The following XPO7 variants were observed in gnomAD, a reference collection of about 807,000 sequenced individuals.
XPO7 encodes exportin 7, also known as exportin-7.
In XPO7, 21 loss-of-function variants were observed where a neutral mutation model predicts 144.3. That is an observed-to-expected ratio of 0.15 (90% CI 0.10 to 0.21). The LOEUF is 0.21. Among genes scored for constraint, XPO7 ranks in the 10% least tolerant of loss-of-function variants. The probability of loss-of-function intolerance (pLI) is 1.00; values close to 1 mark genes in which losing one functional copy is unlikely to be tolerated. For missense variants in XPO7, 808 were observed against 1,325.8 expected, an observed-to-expected ratio of 0.61 and a Z score of 6.06; for synonymous variants, 580 against 499.6, an observed-to-expected ratio of 1.16 and a Z score of -2.15.
chr8:21,985,636 G>A lies in XPO7; in HGVS notation c.1522G>A (p.Val508Ile). The change falls in exon 13 of 28, where the codon GTT becomes ATT. Residue 508 changes from valine (V) to isoleucine (I), a missense_variant. Transcript: ENST00000252512. Reference protein sequence around the residue: ...YIIGAVIGGRVSFASTDEQDA... With the variant: ...YIIGAVIGGRISFASTDEQDA... ...TATTGGAGCAGTGATCGGTGGCCGG[G>A]TTTCTTTTGCCAGCACTGATGAGCA... The A allele has an allele frequency of 6.2e-7, 1 of 1,613,842 alleles. No homozygotes were observed. Among genetic ancestry groups the A allele is most frequent in the Non-Finnish European group, 8.5e-7 (1 of 1,179,890 alleles).
chr8:21,951,891 G>A (rs1811384950), intron 1 of XPO7, among the ~76,000 whole-genome samples: 1 of 152,158 alleles, frequency 6.6e-6, no homozygotes, highest in Non-Finnish European at 1.5e-5. Context: ...TCTACAGTGT[G>A]AATCCCTAGA....
chr8:21,974,227 G>A (rs1475810061), intron 5 of XPO7, among the ~76,000 whole-genome samples: 2 of 135,202 alleles, frequency 1.5e-5, no homozygotes, highest in Non-Finnish European at 3.4e-5. Flanking sequence ...GTTTTTAGAG[G>A]TGGTGGGGGG....
At chr8:21,954,085 G>T (rs1289548412) in intron 1 of XPO7, among the ~76,000 whole-genome samples, 1 of 152,168 alleles carries the variant, frequency 6.6e-6, no homozygotes, top group Non-Finnish European at 1.5e-5. Context: ...TATGTATTTG[G>T]CTAGCCTGAT....
At chr8:21,982,345 A>G (rs1423721450) in intron 10 of XPO7, among the ~76,000 whole-genome samples, 1 of 152,152 alleles carries the variant, frequency 6.6e-6, no homozygotes, top group Non-Finnish European at 1.5e-5. Context: ...TGGTGTTTCT[A>G]ACAAGTTCTT....
chr8:21,990,955 C>A, intron 18 of XPO7, 36 bp downstream of exon 18: 2 of 1,579,012 alleles, frequency 1.3e-6, no homozygotes, highest in Non-Finnish European at 1.7e-6. Flanking sequence ...ATGAAGTCAT[C>A]TGGCACTCTT....
At chr8:21,935,944 C>T (rs1440815077) in intron 1 of XPO7, among the ~76,000 whole-genome samples, 1 of 152,084 alleles carries the variant, frequency 6.6e-6, no homozygotes, top group Non-Finnish European at 1.5e-5. Context: ...TTGGGGTTTT[C>T]TTTTCTCAAA....
intron 12 of XPO7, 108 bp downstream of exon 12, chr8:21,984,947 T>A (rs142466892): frequency 2.9e-5 from 34 of 1,172,578 alleles, no homozygotes; most frequent in African/African-American, 9.2e-5. Flanking sequence ...GATTCTTTCA[T>A]CATCTGTTGT....
At chr8:21,924,697 G>C (rs906579260) in intron 1 of XPO7, among the ~76,000 whole-genome samples, 8 of 152,102 alleles carry the variant, frequency 5.3e-5, no homozygotes, top group African/African-American at 1.2e-4. Context: ...CATGAACCTT[G>C]ATAACTAGAG....
chr8:21,975,123 T>C (rs1812185077), intron 6 of XPO7, among the ~76,000 whole-genome samples: 1 of 152,246 alleles, frequency 6.6e-6, no homozygotes, highest in Admixed American at 6.5e-5. Context: ...TTCTATATGG[T>C]GCGAAAGCAT....
At chr8:21,971,044 A>T (rs1812045005) in intron 4 of XPO7, among the ~76,000 whole-genome samples, 1 of 152,170 alleles carries the variant, frequency 6.6e-6, no homozygotes. Flanking sequence ...TTAAAAAAAA[A>T]ATCTTTTATG....
At chr8:21,968,549 C>T (rs1811957472) in intron 2 of XPO7, among the ~76,000 whole-genome samples, 1 of 152,138 alleles carries the variant, frequency 6.6e-6, no homozygotes, top group Admixed American at 6.5e-5. Context: ...GTGGGAGATG[C>T]CCAGCTAGCT....
At chr8:21,992,837 T>C (rs922905417) in intron 19 of XPO7, among the ~76,000 whole-genome samples, 9 of 152,218 alleles carry the variant, frequency 5.9e-5, no homozygotes, top group African/African-American at 2.2e-4. Flanking sequence ...TATAGATCTG[T>C]GTCCAAATCA....
chr8:21,990,122 T>A (rs1214508988), intron 16 of XPO7, among the ~76,000 whole-genome samples: 3 of 152,116 alleles, frequency 2.0e-5, no homozygotes, highest in Non-Finnish European at 4.4e-5. Flanking sequence ...GTGCTGGGAT[T>A]ACAGGCGTGA....
intron 1 of XPO7, among the ~76,000 whole-genome samples, chr8:21,961,271 A>G (rs1811718135): frequency 6.6e-6 from 1 of 150,512 alleles, no homozygotes; most frequent in Non-Finnish European, 1.5e-5. Context: ...GTACAGTGGC[A>G]TGATCACAGC....
chr8:21,943,233 C>T (rs554629150), intron 1 of XPO7, among the ~76,000 whole-genome samples: 5 of 152,044 alleles, frequency 3.3e-5, no homozygotes, highest in Admixed American at 6.6e-5. Flanking sequence ...TTTAGAAAGA[C>T]GAAAATGACT....
intron 13 of XPO7, 92 bp downstream of exon 13, chr8:21,985,783 A>C (rs1413026717): frequency 9.3e-7 from 1 of 1,076,182 alleles, no homozygotes; most frequent in Non-Finnish European, 1.4e-6. Flanking sequence ...ACGTAATCTG[A>C]ACATGCTAAC....
chr8:21,984,579 C>G, intron 11 of XPO7, 67 bp from the exon 12 acceptor site: 1 of 1,407,538 alleles, frequency 7.1e-7, no homozygotes. Flanking sequence ...AGTCAGAGAG[C>G]TGCTATATTG....
intron 1 of XPO7, among the ~76,000 whole-genome samples, chr8:21,931,834 G>A (rs928353021): frequency 2.6e-5 from 4 of 152,040 alleles, no homozygotes; most frequent in African/African-American, 9.7e-5. Flanking sequence ...ATCTAGAAAA[G>A]GCTTCTTTTT....
chr8:21,999,098 C>G lies in XPO7; in HGVS notation c.2436C>G (p.Arg812=). 1 of 1,613,972 alleles carries G rather than the reference C, an allele frequency of 6.2e-7. No individual in the cohort carries two copies. The highest frequency in any genetic ancestry group is 8.5e-7 in the Non-Finnish European group (1 of 1,179,884). The change falls in exon 23 of 28, where the codon CGC becomes CGG. Residue 812 remains arginine (R), a synonymous_variant. Coordinates refer to ENST00000252512, the MANE Select transcript of XPO7 (RefSeq NM_015024.5). The stretch of plus-strand genomic sequence containing the variant: ...TATGACATGTCTACTCAGGCAATCG[C>G]ATCCTGACACTAGGAGAGGTCCCAA... ...TSKMITMYGN[R]ILTLGEVPKD...
Sources: gnomAD v4.1 joint callset for allele counts (sites outside exome capture counted in the v4.1 genomes callset) on GRCh38, gnomAD v4.1.1 for gene constraint, MANE v1.5 for transcripts, NCBI Gene and HGNC (gene_info 2026-07-23, HGNC 2026-07-21) for gene names.